Variants in SDK2 observed in about 807,000 individuals in gnomAD.
The protein encoded by SDK2 is sidekick cell adhesion molecule 2, also known as protein sidekick-2.
Under a neutral mutation model 253.9 loss-of-function variants are expected in SDK2, and 105 were observed. That is an observed-to-expected ratio of 0.41 (90% CI 0.35 to 0.49). SDK2 has a LOEUF of 0.49. Ranked by LOEUF, SDK2 falls within the 20% of genes least tolerant of loss-of-function variation. The pLI, the probability that SDK2 is intolerant of heterozygous loss-of-function variation, is 0.06. For synonymous variants in SDK2, 1,249 were observed against 1,234.9 expected (o/e 1.01, Z -0.24); for missense variants, 2,608 against 3,003.0 (o/e 0.87, Z 3.07).
At chr17:73,434,503 G>A (rs760759748) in intron 9 of SDK2, among the ~76,000 whole-genome samples, 13 of 152,338 alleles carry the variant, frequency 8.5e-5, no homozygotes, top group South Asian at 4.1e-4. Context: ...TGCCCTGTCC[G>A]CGGCCTCTGT....
Position 73,350,690 on chromosome 17 carries a change from G to C in SDK2, c.5859C>G (p.Ile1953Met), listed in dbSNP as rs142861586. The change falls in exon 42 of 45, where the codon ATC becomes ATG. Residue 1953 changes from isoleucine to methionine, a missense_variant. Transcript: ENST00000392650. ...TGGCGTACTTCTTGCTCTGGCCCCG[G>C]ATGATGAGCACGAAGACCAGAAGCA... ...FILLLVFVLI[I>M]RGQSKKYAKK... 3 of 1,613,548 alleles carry C rather than the reference G, an allele frequency of 1.9e-6. No individual in the cohort carries two copies. Among genetic ancestry groups the C allele is most frequent in the African/African-American group, 2.7e-5 (2 of 74,854 alleles).
chr17:73,343,314 T>TC (rs2062455500), intron 44 of SDK2, among the ~76,000 whole-genome samples: 1 of 152,136 alleles, frequency 6.6e-6, no homozygotes, highest in South Asian at 2.1e-4. Flanking sequence ...GTCTGCCTCT[T>TC]CCCCCGCTCC....
intron 1 of SDK2, among the ~76,000 whole-genome samples, chr17:73,569,959 CCT>C (rs2045361168): frequency 6.6e-6 from 1 of 152,084 alleles, no homozygotes; most frequent in South Asian, 2.1e-4. Flanking sequence ...TGCAGCAGGT[CCT>C]GAGTTACGGG....
intron 12 of SDK2, among the ~76,000 whole-genome samples, chr17:73,426,982 G>A (rs2063288956): frequency 6.6e-6 from 1 of 152,132 alleles, no homozygotes; most frequent in Non-Finnish European, 1.5e-5. Context: ...CTACTCGGGA[G>A]GCTGAGGCAG....
intron 29 of SDK2, among the ~76,000 whole-genome samples, chr17:73,389,994 C>T (rs1168291647): frequency 6.6e-6 from 1 of 152,186 alleles, no homozygotes; most frequent in Non-Finnish European, 1.5e-5. Context: ...AGTGATCCAC[C>T]CGCCTTGGCC....
chr17:73,524,761 G>T (rs903086853), intron 1 of SDK2, among the ~76,000 whole-genome samples: 1 of 152,192 alleles, frequency 6.6e-6, no homozygotes, highest in Non-Finnish European at 1.5e-5. Flanking sequence ...CACATGGTCA[G>T]TGTAGACCCT....
chr17:73,436,507 G>A (rs1457602014), intron 8 of SDK2, among the ~76,000 whole-genome samples: 2 of 149,642 alleles, frequency 1.3e-5, no homozygotes, highest in Non-Finnish European at 3.0e-5. Context: ...TACCCGGGAG[G>A]CAGAGGTTGC....
At chr17:73,405,467 CATATATATATAT>C (rs1166184210) in intron 18 of SDK2, among the ~76,000 whole-genome samples, 1 of 6,036 alleles carries the variant, frequency 1.7e-4, no homozygotes, top group African/African-American at 7.3e-4. Flanking sequence ...AACAAAAAAC[CATATATATATAT>C]ATATATATAT....
intron 1 of SDK2, among the ~76,000 whole-genome samples, chr17:73,567,211 G>A (rs138431885): frequency 6.6e-6 from 1 of 152,348 alleles, no homozygotes; most frequent in East Asian, 1.9e-4. Flanking sequence ...GCTCCAGCCA[G>A]GGCTCAAAGA....
At chr17:73,384,095 C>A in intron 32 of SDK2, 84 bp from the exon 33 acceptor site, 1 of 1,445,790 alleles carries the variant, frequency 6.9e-7, no homozygotes, top group Non-Finnish European at 9.5e-7. Context: ...CCTCCTGCAG[C>A]CACAGAGCAG....
intron 18 of SDK2, among the ~76,000 whole-genome samples, chr17:73,412,324 G>T (rs2063146628): frequency 6.6e-6 from 1 of 150,586 alleles, no homozygotes; most frequent in Admixed American, 6.7e-5. Flanking sequence ...TTTTAGTAGA[G>T]ATGGGATTTC....
chr17:73,550,058 C>T (rs573427213), intron 1 of SDK2, among the ~76,000 whole-genome samples: 7 of 152,158 alleles, frequency 4.6e-5, no homozygotes, highest in African/African-American at 1.2e-4. Context: ...CACTGAGCCC[C>T]GGGTTTCTCC....
chr17:73,373,719 T>C (rs1407900248), intron 36 of SDK2, among the ~76,000 whole-genome samples: 3 of 152,150 alleles, frequency 2.0e-5, no homozygotes, highest in African/African-American at 7.2e-5. Flanking sequence ...TGCAGTGGCA[T>C]GATATGGGTT....
chr17:73,569,794 C>T (rs1197722417), intron 1 of SDK2, among the ~76,000 whole-genome samples: 1 of 152,052 alleles, frequency 6.6e-6, no homozygotes, highest in African/African-American at 2.4e-5. Flanking sequence ...CGATGAGAAC[C>T]CCCGCAAAGG....
chr17:73,367,809 C>T lies in SDK2; in HGVS notation c.5167+598G>A, dbSNP rs553035297. 8.1e-4 allele frequency among the ~76,000 whole-genome samples: 123 copies of T among 152,264 alleles called. 2 individuals carry two copies. Among genetic ancestry groups the T allele is most frequent in the African/African-American group, 2.8e-3 (118 of 41,568 alleles). ...GTGAGCCACCATGCCTGGCCCCTGC[C>T]GGCCTCTTCTCATTCAAATCTCACC... On this transcript the variant is annotated intron_variant, in intron 37 of 44. Transcript: ENST00000392650.
intron 1 of SDK2, among the ~76,000 whole-genome samples, chr17:73,602,159 G>C (rs761834156): frequency 2.0e-5 from 3 of 152,202 alleles, no homozygotes; most frequent in Non-Finnish European, 4.4e-5. Flanking sequence ...CCAGAAGTTG[G>C]AGTGCTTCAC....
intron 18 of SDK2, among the ~76,000 whole-genome samples, chr17:73,408,860 A>G (rs2063103162): frequency 6.6e-6 from 1 of 152,246 alleles, no homozygotes; most frequent in Non-Finnish European, 1.5e-5. Context: ...ATTATGCGGC[A>G]ATCAAGAGAA....
intron 1 of SDK2, among the ~76,000 whole-genome samples, chr17:73,509,380 C>T (rs935121652): frequency 2.0e-5 from 3 of 152,162 alleles, no homozygotes; most frequent in Non-Finnish European, 4.4e-5. Flanking sequence ...AGGGAAGGGG[C>T]TCCACCACCC....
intron 6 of SDK2, among the ~76,000 whole-genome samples, chr17:73,438,885 C>T (rs192631176): frequency 1.4e-4 from 21 of 152,258 alleles, no homozygotes; most frequent in Non-Finnish European, 2.2e-4. Context: ...TGGCCGCATA[C>T]GTCTGGGAAA....
Sources: allele counts gnomAD v4.1 joint callset (sites outside exome capture counted in the v4.1 genomes callset), GRCh38; gene constraint gnomAD v4.1.1; transcripts MANE v1.5; gene names NCBI Gene and HGNC (gene_info 2026-07-23, HGNC 2026-07-21).